The following SH3BGRL variants were observed in gnomAD, a reference collection of about 807,000 sequenced individuals.
SH3BGRL encodes the protein adapter SH3BGRL.
A neutral mutation model predicts 9.8 loss-of-function variants in SH3BGRL; 7 were observed. That is an observed-to-expected ratio of 0.72 (90% CI 0.41 to 1.35). The LOEUF is 1.35. SH3BGRL is among the 40% of genes most tolerant of loss of function. The pLI is 0.01. For missense variants in SH3BGRL, 73 were observed against 84.4 expected (o/e 0.86, Z 0.53); for synonymous variants, 36 against 29.1 (o/e 1.24, Z -0.76).
At chrX:81,252,693 C>A (rs760332495) in intron 1 of SH3BGRL, among the ~76,000 whole-genome samples, 3 of 112,232 alleles carry the variant, frequency 2.7e-5, no homozygotes, top group African/African-American at 9.7e-5. Context: ...CATTCAAAGC[C>A]GTCCTGGGCC....
chrX:81,270,510 G>A (rs548740023), intron 1 of SH3BGRL, among the ~76,000 whole-genome samples: 5 of 111,983 alleles, frequency 4.5e-5, no homozygotes, highest in Admixed American at 2.8e-4. Context: ...GGCGTTTGCC[G>A]GAGGTCCACT....
rs1473954393 is a variant in SH3BGRL, at chrX:81,297,274, G to T, written c.*47G>T. The T allele has an allele frequency of 9.4e-7, 1 of 1,065,195 alleles. No individual in the cohort carries two copies. The highest frequency in any genetic ancestry group is 1.3e-6 in the Non-Finnish European group (1 of 772,590). 87.8% of individuals were successfully genotyped at this position (1,065,195 alleles called of 1,213,427 possible). The stretch of plus-strand genomic sequence containing the variant: ...GCATCCTGAAAAATGAGTCTCCATT[G>T]CTTTTATAAAATAGCAGAATTAGCT... On this transcript the variant is annotated 3_prime_UTR_variant, in exon 4 of 4. Transcript: ENST00000373212.
chrX:81,272,152 G>T (rs1023232305), intron 1 of SH3BGRL, among the ~76,000 whole-genome samples: 2 of 102,725 alleles, frequency 1.9e-5, no homozygotes, highest in African/African-American at 7.2e-5. Context: ...AGCTGAGATC[G>T]TGCCACTGCA....
rs761326350 is a variant in SH3BGRL at position 81,215,594 on chromosome X, A to G, written c.45+13349A>G. ...TGGTCTGCAAATAAGAAAGGAGTCA[A>G]GGCAGAGGTACTTTAGGGACTCTCT... On this transcript the variant is annotated intron_variant, in intron 1 of 3. Transcript: ENST00000373212. Among the ~76,000 whole-genome samples the G allele has an allele frequency of 6.3e-5, 7 of 111,189 alleles. No homozygotes were observed. In the South Asian group the frequency reaches 2.7e-3, roughly 42 times the overall value.
intron 3 of SH3BGRL, among the ~76,000 whole-genome samples, chrX:81,294,595 G>T (rs2075868375): frequency 9.0e-6 from 1 of 110,981 alleles, no homozygotes; most frequent in Non-Finnish European, 1.9e-5. Flanking sequence ...GAGAACCTCT[G>T]CTAGGGCAGT....
rs373964183 is a variant in SH3BGRL at position 81,248,593 on chromosome X, A to T, written c.46-28391A>T. ...TTTTGGCTGTGGAGACCCCCTACCT[A>T]ACTCCAGAACAGAATTTCCAATCTC... On this transcript the variant is annotated intron_variant, in intron 1 of 3. Coordinates refer to ENST00000373212, the MANE Select transcript of SH3BGRL (RefSeq NM_003022.3). Among the ~76,000 whole-genome samples the T allele has an allele frequency of 7.1e-5, 8 of 112,368 alleles. No individual in the cohort carries two copies. In the East Asian group the frequency reaches 2.0e-3, roughly 28 times the overall value.
At position 81,272,389 on chromosome X, in the gene SH3BGRL, G is replaced by C. The variant is rs1480686991; in HGVS notation, c.46-4595G>C. Among the ~76,000 whole-genome samples the C allele has an allele frequency of 6.3e-5, 7 of 110,984 alleles. No homozygotes were observed. In the Admixed American group the frequency reaches 6.7e-4, roughly 11 times the overall value. ...GTATTTTGTAAGTAACTTAGTAAAAGACTGAATTGGCAGCTTTAAATGCTG... is the reference window on the plus strand; with the variant it reads ...GTATTTTGTAAGTAACTTAGTAAAACACTGAATTGGCAGCTTTAAATGCTG... On this transcript the variant is annotated intron_variant, in intron 1 of 3. Transcript: ENST00000373212.
chrX:81,235,979 A>G (rs1339415290), intron 1 of SH3BGRL, among the ~76,000 whole-genome samples: 2 of 111,427 alleles, frequency 1.8e-5, no homozygotes, highest in African/African-American at 6.5e-5. Flanking sequence ...ATGACTGCCA[A>G]TTCTTCTCCC....
At chrX:81,216,212 T>C (rs2075580966) in intron 1 of SH3BGRL, among the ~76,000 whole-genome samples, 1 of 111,478 alleles carries the variant, frequency 9.0e-6, no homozygotes, top group African/African-American at 3.3e-5. Flanking sequence ...GTTATAGGAT[T>C]CCTGACAGTT....
chrX:81,293,424 T>C (rs955070627), intron 3 of SH3BGRL, among the ~76,000 whole-genome samples: 4 of 112,257 alleles, frequency 3.6e-5, no homozygotes, highest in Non-Finnish European at 7.5e-5. Context: ...GGCTCATGCC[T>C]GTAATCCCAG....
intron 1 of SH3BGRL, among the ~76,000 whole-genome samples, chrX:81,209,043 T>C (rs1462799972): frequency 1.0e-5 from 1 of 100,435 alleles, no homozygotes; most frequent in Non-Finnish European, 2.0e-5. Context: ...AGTCTCACTC[T>C]GTCACCCAGG....
At chrX:81,271,022 G>A (rs1019982919) in intron 1 of SH3BGRL, among the ~76,000 whole-genome samples, 3 of 112,349 alleles carry the variant, frequency 2.7e-5, no homozygotes, top group Non-Finnish European at 5.6e-5. Context: ...CTAGCAGTGA[G>A]CAAGGCTCCG....
chrX:81,253,757 T>A (rs1318399315), intron 1 of SH3BGRL, among the ~76,000 whole-genome samples: 1 of 112,196 alleles, frequency 8.9e-6, no homozygotes, highest in African/African-American at 3.2e-5. Context: ...TTTATTGATT[T>A]CTTGCTTTTT....
At chrX:81,230,964 A>G (rs138803167) in intron 1 of SH3BGRL, among the ~76,000 whole-genome samples, 1,271 of 111,912 alleles carry the variant, frequency 0.011, 18 homozygotes, top group African/African-American at 0.038. Context: ...GATTTTTCAT[A>G]TCTTGTGGTT....
intron 3 of SH3BGRL, among the ~76,000 whole-genome samples, chrX:81,287,365 A>G (rs905326748): frequency 1.8e-5 from 2 of 111,978 alleles, no homozygotes; most frequent in Non-Finnish European, 3.8e-5. Context: ...TAAATTGGAA[A>G]TTCTAGAAGA....
At chrX:81,235,422 G>T (rs1177055478) in intron 1 of SH3BGRL, among the ~76,000 whole-genome samples, 1 of 110,500 alleles carries the variant, frequency 9.0e-6, no homozygotes, top group Admixed American at 9.7e-5. Flanking sequence ...CTAGGTAGTT[G>T]AGTATCGGAA....
intron 1 of SH3BGRL, among the ~76,000 whole-genome samples, chrX:81,227,530 G>C (rs1323529616): frequency 1.8e-5 from 2 of 111,468 alleles, no homozygotes; most frequent in African/African-American, 6.5e-5. Flanking sequence ...TGTTGGGACT[G>C]TTGACTGCTT....
chrX:81,241,857 C>T (rs2075671042), intron 1 of SH3BGRL, among the ~76,000 whole-genome samples: 1 of 112,568 alleles, frequency 8.9e-6, no homozygotes, highest in South Asian at 3.6e-4. Flanking sequence ...CTGGTCCAGC[C>T]ACAGCCTTGC....
intron 1 of SH3BGRL, among the ~76,000 whole-genome samples, chrX:81,236,902 A>G (rs748975023): frequency 2.8e-5 from 2 of 70,592 alleles, no homozygotes; most frequent in African/African-American, 4.3e-5. Context: ...AGGCTGAGGG[A>G]GAGAGAGAGA....
Sources: allele counts gnomAD v4.1 joint callset (sites outside exome capture counted in the v4.1 genomes callset), GRCh38; gene constraint gnomAD v4.1.1; transcripts MANE v1.5; gene names NCBI Gene and HGNC (gene_info 2026-07-23, HGNC 2026-07-21).